RSRP1: variants seen among roughly 807,000 people sequenced by gnomAD.
RSRP1 encodes arginine/serine-rich protein 1.
Under a neutral mutation model 33.0 loss-of-function variants are expected in RSRP1, and 37 were observed. That is an observed-to-expected ratio of 1.12 (90% CI 0.86 to 1.48). The LOEUF (loss-of-function observed/expected upper bound fraction) is 1.48, where lower values mean the gene tolerates loss of function less well. Ranked by LOEUF, RSRP1 falls within the 40% of genes most tolerant of loss-of-function variation. RSRP1 has a pLI of 0.00. For missense variants in RSRP1, 402 were observed against 385.3 expected, an observed-to-expected ratio of 1.04 and a Z score of -0.36; for synonymous variants, 167 against 158.7, an observed-to-expected ratio of 1.05 and a Z score of -0.40.
At chr1:25,276,524 C>T (rs1402290234) in intron 1 of RSRP1, among the ~76,000 whole-genome samples, 4 of 56,946 alleles carry the variant, frequency 7.0e-5, no homozygotes, top group African/African-American at 2.2e-4. Context: ...GAGACCCCCC[C>T]CCATCTCTAA....
At chr1:25,306,639 T>A (rs1643863002) in intron 1 of RSRP1, 2 of 1,378,532 alleles carry the variant, frequency 1.5e-6, no homozygotes, top group East Asian at 4.5e-5. Flanking sequence ...AGCTCCATCA[T>A]GGGCTACAAC....
At chr1:25,262,453 G>C (rs999438803) in intron 1 of RSRP1, among the ~76,000 whole-genome samples, 2 of 152,182 alleles carry the variant, frequency 1.3e-5, no homozygotes, top group African/African-American at 4.8e-5. Context: ...TCAAACAAAA[G>C]TATACGTAGT....
At chr1:25,280,784 T>C (rs2124608825) in intron 1 of RSRP1, among the ~76,000 whole-genome samples, 1 of 130,894 alleles carries the variant, frequency 7.6e-6, no homozygotes, top group South Asian at 2.3e-4. Context: ...AGTAATTTTG[T>C]ATTTTTTGTA....
intron 2 of RSRP1, 28 bp from the exon 3 acceptor site, chr1:25,245,329 ATAC>A (rs1338045879): frequency 6.3e-7 from 1 of 1,586,938 alleles, no homozygotes; most frequent in African/African-American, 1.3e-5. Flanking sequence ...AGATTTTAAA[ATAC>A]TCATTAATCT....
intron 1 of RSRP1, among the ~76,000 whole-genome samples, chr1:25,268,742 G>A (rs1640403105): frequency 7.7e-6 from 1 of 129,540 alleles, no homozygotes; most frequent in African/African-American, 2.6e-5. Context: ...GAGGTCAGGA[G>A]TTCAAGACCA....
At chr1:25,276,847 A>T (rs1449740464) in intron 1 of RSRP1, among the ~76,000 whole-genome samples, 1 of 132,894 alleles carries the variant, frequency 7.5e-6, no homozygotes, top group Non-Finnish European at 1.8e-5. Flanking sequence ...CAGGCAGATC[A>T]CGAGGTCTGG....
chr1:25,272,820 T>C lies in RSRP1; in HGVS notation c.-66-25791A>G, dbSNP rs1350070101. 1.7e-5 allele frequency: 20 copies of C among 1,186,106 alleles called. 3 individuals are homozygous for C. The highest frequency in any genetic ancestry group is 1.1e-4 in the East Asian group (5 of 43,710). 73.5% of individuals were successfully genotyped at this position (1,186,106 alleles called of 1,614,324 possible). A position where few individuals can be genotyped will look rare whatever the true frequency, so the allele number is the denominator to read the frequency against. On this transcript the variant is annotated intron_variant, in intron 1 of 1. Transcript: ENST00000561867. ...AATCCCAAGGAAAAAGATTCCCCCA[T>C]CTTCTTCCGTAGATTGCACCGAAAT...
chr1:25,304,021 TGA>T (rs1206395692), intron 1 of RSRP1, among the ~76,000 whole-genome samples: 2 of 83,394 alleles, frequency 2.4e-5, no homozygotes, highest in African/African-American at 8.1e-5. Context: ...GTGGATGATG[TGA>T]GAGGAGCAGC....
rs1160426220 is a variant in RSRP1 at position 25,246,854 on chromosome 1, C to T, written c.110G>A (p.Arg37His). The change falls in exon 2 of 5, where the codon CGC becomes CAC. Residue 37 changes from arginine to histidine, a missense_variant. By Grantham distance (29) the Arg-to-His change is conservative (BLOSUM62 0). Transcript: ENST00000243189. ...SSRLSSRSRS[R>H]SFSRSSRSHS... ...GGACCGAGAGCTTCTGGAAAAAGAG[C>T]GGCTCCTAGACCGCGACGACAGCCG... The T allele has an allele frequency of 6.2e-7, 1 of 1,612,724 alleles. No homozygotes were observed. The highest frequency in any genetic ancestry group is 2.2e-5 in the East Asian group (1 of 44,868).
chr1:25,277,882 G>C lies in RSRP1; in HGVS notation c.-66-30853C>G, dbSNP rs71652364. Among the ~76,000 whole-genome samples, 34 of 132,438 alleles carry C rather than the reference G, an allele frequency of 2.6e-4. 7 individuals carry two copies. The highest frequency in any genetic ancestry group is 4.4e-4 in the Admixed American group (6 of 13,688). The allele number at this position is 132,438 out of a possible 152,430, so 86.9% of individuals were successfully genotyped here. ...AGAGATGGGGTTTCTCCATGTTGGTGAGGCTGGTCTCGAACTCCCAACCTC... is the reference window on the plus strand; with the variant it reads ...AGAGATGGGGTTTCTCCATGTTGGTCAGGCTGGTCTCGAACTCCCAACCTC... On this transcript the variant is annotated intron_variant, in intron 1 of 1. Coordinates refer to the RSRP1 transcript ENST00000561867.
chr1:25,244,182 T>A (rs1639147202), intron 3 of RSRP1: 1 of 1,289,102 alleles, frequency 7.8e-7, no homozygotes, highest in African/African-American at 1.5e-5. Context: ...TAAACTTATC[T>A]GCAAGTGAAG....
chr1:25,259,136 C>T (rs1437371035), intron 1 of RSRP1, among the ~76,000 whole-genome samples: 4 of 152,044 alleles, frequency 2.6e-5, no homozygotes, highest in East Asian at 1.9e-4. Flanking sequence ...CTCTGTCACC[C>T]AGGCTAGAGT....
At chr1:25,299,072 TAAAAAAAAAAAAAA>T (rs34867414) in intron 1 of RSRP1, among the ~76,000 whole-genome samples, 2 of 40,876 alleles carry the variant, frequency 4.9e-5, no homozygotes, top group Admixed American at 2.6e-4. Flanking sequence ...CACATGGTGA[TAAAAAAAAAAAAAA>T]AAAAAAAAAA....
chr1:25,254,099 A>G (rs1313046798), intron 1 of RSRP1, among the ~76,000 whole-genome samples: 1 of 152,194 alleles, frequency 6.6e-6, no homozygotes, highest in African/African-American at 2.4e-5. Context: ...TAACACATCA[A>G]CAAACATGGC....
rs552640552 is a variant in RSRP1 at position 25,274,992 on chromosome 1, A to G, written c.-66-27963T>C. On this transcript the variant is annotated intron_variant, in intron 1 of 1. Transcript: ENST00000561867. Reference sequence around the variant, plus strand: ...ACAACAACAAGAACAACAAAAAAACAAAGAGGAGAGCAGGGACTGGGTGTG... The same window carrying G: ...ACAACAACAAGAACAACAAAAAAACGAAGAGGAGAGCAGGGACTGGGTGTG... Among the ~76,000 whole-genome samples, 15 of 131,740 alleles carry G rather than the reference A, an allele frequency of 1.1e-4. 3 individuals are homozygous for G. In the South Asian group the frequency reaches 3.5e-3, roughly 31 times the overall value. The allele number at this position is 131,740 out of a possible 152,430, so 86.4% of individuals were successfully genotyped here. A position where few individuals can be genotyped will look rare whatever the true frequency, so the allele number is the denominator to read the frequency against.
At chr1:25,276,523 C>A (rs1162455269) in intron 1 of RSRP1, among the ~76,000 whole-genome samples, 3 of 59,954 alleles carry the variant, frequency 5.0e-5, no homozygotes, top group African/African-American at 2.2e-4. Flanking sequence ...GGAGACCCCC[C>A]CCCATCTCTA....
intron 1 of RSRP1, chr1:25,253,187 C>A (rs1210857990): frequency 6.6e-6 from 1 of 152,130 alleles, no homozygotes; most frequent in Non-Finnish European, 1.5e-5. Context: ...GGATTACAGG[C>A]ATGAGCCACC....
At chr1:25,319,474 G>A (rs1215947478) in intron 1 of RSRP1, among the ~76,000 whole-genome samples, 1 of 131,852 alleles carries the variant, frequency 7.6e-6, no homozygotes, top group Admixed American at 7.4e-5. Flanking sequence ...AGCCAGGCGT[G>A]GTGGTACACC....
rs1465345996 is a variant in RSRP1, at chr1:25,296,980, C to G, written c.-67+40998G>C. ...TCTTACATAACCTTTTTTCAGTTAACAAAAATGAGAAATTGACATTGATAT... is the reference window on the plus strand; with the variant it reads ...TCTTACATAACCTTTTTTCAGTTAAGAAAAATGAGAAATTGACATTGATAT... On this transcript the variant is annotated intron_variant, in intron 1 of 1. Transcript: ENST00000561867. 1.5e-5 allele frequency among the ~76,000 whole-genome samples: 2 copies of G among 131,300 alleles called. 1 individual carries two copies. The highest frequency in any genetic ancestry group is 5.3e-5 in the African/African-American group (2 of 37,944). The allele number at this position is 131,300 out of a possible 152,430, so 86.1% of individuals were successfully genotyped here. A position where few individuals can be genotyped will look rare whatever the true frequency, so the allele number is the denominator to read the frequency against.
Sources: allele counts gnomAD v4.1 joint callset (sites outside exome capture counted in the v4.1 genomes callset), GRCh38; gene constraint gnomAD v4.1.1; transcripts MANE v1.5; gene names NCBI Gene and HGNC (gene_info 2026-07-23, HGNC 2026-07-21).